Variants in FCRL5 observed in about 807,000 individuals in gnomAD.
FCRL5 encodes the protein Fc receptor-like protein 5.
Under a neutral mutation model 92.1 loss-of-function variants are expected in FCRL5, and 79 were observed. The ratio of observed to expected loss-of-function variants is 0.86; its 90% confidence interval spans 0.72 to 1.03. The LOEUF is 1.03. Ranked by LOEUF, FCRL5 falls within the 50% of genes least tolerant of loss-of-function variation. The probability of loss-of-function intolerance (pLI) is 0.00; values close to 1 mark genes in which losing one functional copy is unlikely to be tolerated. For missense variants in FCRL5, 1,160 were observed against 1,181.1 expected (o/e 0.98, Z 0.26); for synonymous variants, 466 against 469.3 (o/e 0.99, Z 0.09).
intron 7 of FCRL5, among the ~76,000 whole-genome samples, chr1:157,538,681 C>T (rs1330334894): frequency 6.6e-6 from 1 of 152,200 alleles, no homozygotes; most frequent in Non-Finnish European, 1.5e-5. Context: ...TCTGGTTATT[C>T]ATTGATGTCT....
At chr1:157,529,698 T>C (rs1403734418) in intron 8 of FCRL5, among the ~76,000 whole-genome samples, 2 of 152,226 alleles carry the variant, frequency 1.3e-5, no homozygotes, top group Non-Finnish European at 2.9e-5. Context: ...GAGACCATTA[T>C]TCTAAGTAAC....
intron 11 of FCRL5, 119 bp downstream of exon 11, chr1:157,520,898 G>T: frequency 8.4e-7 from 1 of 1,188,740 alleles, no homozygotes; most frequent in Non-Finnish European, 1.2e-6. Flanking sequence ...TTAGAGAGCT[G>T]CCAGCTGTGT....
In FCRL5 at chr1:157,539,230, C is replaced by G; in HGVS notation, c.1258G>C (p.Ala420Pro). The change falls in exon 7 of 17, where the codon GCC becomes CCC. Residue 420 changes from alanine to proline, a missense_variant. Ala to Pro is a conservative substitution (Grantham distance 27, BLOSUM62 -1). Transcript: ENST00000361835. Reference sequence around the variant, plus strand: ...GAGTTGGCCGACCTACGCTCCAGGGCAGCACCCTCATGATGAAACTGGTAC... The same window carrying G: ...GAGTTGGCCGACCTACGCTCCAGGGGAGCACCCTCATGATGAAACTGGTAC... ...ILYQFHHEGAALERRSANSAG... is the reference protein window; with the variant it reads ...ILYQFHHEGAPLERRSANSAG... 6.2e-7 allele frequency: 1 copy of G among 1,614,202 alleles called. No individual in the cohort carries two copies. Among genetic ancestry groups the G allele is most frequent in the Non-Finnish European group, 8.5e-7 (1 of 1,180,044 alleles).
chr1:157,541,949 A>T (rs11264758), intron 6 of FCRL5: 9,872 of 153,134 alleles, frequency 0.064, 810 homozygotes, highest in African/African-American at 0.19. Context: ...TGTCAGGGAC[A>T]CTGTTCTCTT....
At chr1:157,535,516 T>A (rs1429658021) in intron 7 of FCRL5, among the ~76,000 whole-genome samples, 1 of 152,228 alleles carries the variant, frequency 6.6e-6, no homozygotes, top group African/African-American at 2.4e-5. Flanking sequence ...ACATTTATCA[T>A]CTCTACTTCT....
chr1:157,525,896 G>A (rs11812021), intron 9 of FCRL5, among the ~76,000 whole-genome samples: 13,441 of 152,200 alleles, frequency 0.088, 1,610 homozygotes, highest in African/African-American at 0.27. Flanking sequence ...AGATTGATGT[G>A]CTTTTGAGAT....
At chr1:157,546,873 T>C in intron 3 of FCRL5, 70 bp downstream of exon 3, 1 of 1,553,338 alleles carries the variant, frequency 6.4e-7, no homozygotes, top group African/African-American at 1.4e-5. Flanking sequence ...AGGTAAACAG[T>C]AATAACAGCT....
chr1:157,532,245 A>G (rs1381405784), intron 8 of FCRL5: 7 of 151,964 alleles, frequency 4.6e-5, no homozygotes, highest in Non-Finnish European at 8.8e-5. Context: ...TGTCAGTCCT[A>G]ACATCTATGC....
At position 157,539,211 on chromosome 1, in the gene FCRL5, G is replaced by T; in HGVS notation, c.1277C>A (p.Ala426Asp). Residue 426 changes from alanine to aspartate, a missense_variant, in exon 7 of 17, where the codon GCC (alanine) becomes GAC (aspartate). Physicochemically the swap from Ala to Asp is moderately radical, Grantham distance 126. Coordinates refer to ENST00000361835, the MANE Select transcript of FCRL5 (RefSeq NM_031281.3). ...GATGGCCACTCCTCCTGCAGAGTTG[G>T]CCGACCTACGCTCCAGGGCAGCACC... ...HEGAALERRSANSAGGVAISF... is the reference protein window; with the variant it reads ...HEGAALERRSDNSAGGVAISF... 1 of 1,614,182 alleles carries T rather than the reference G, an allele frequency of 6.2e-7. No homozygotes were observed. Among genetic ancestry groups the T allele is most frequent in the Non-Finnish European group, 8.5e-7 (1 of 1,180,044 alleles).
At chr1:157,549,527 A>C in intron 2 of FCRL5, 33 bp downstream of exon 2, 3 of 1,600,836 alleles carry the variant, frequency 1.9e-6, no homozygotes, top group Non-Finnish European at 2.6e-6. Flanking sequence ...TCTTAACCAG[A>C]GACGCTGAAG....
chr1:157,534,620 C>A lies in FCRL5; in HGVS notation c.1675G>T (p.Val559Phe). The A allele has an allele frequency of 6.2e-7, 1 of 1,614,110 alleles. No individual in the cohort carries two copies. The highest frequency in any genetic ancestry group is 8.5e-7 in the Non-Finnish European group (1 of 1,180,012). The change falls in exon 8 of 17, where the codon GTC becomes TTC. Residue 559 changes from valine (V) to phenylalanine (F), a missense_variant. By Grantham distance (50) the Val-to-Phe change is conservative. Coordinates refer to ENST00000361835, the MANE Select transcript of FCRL5 (RefSeq NM_031281.3). ...PQRSEVVSLF[V>F]TVPVSRPILT... is the part of the protein sequence containing the mutation. ...GCAAGAACCCAGCACTTACCAGTGACAAAAAGGCTCACCACTTCACTGCGC... is the reference window on the plus strand; with the variant it reads ...GCAAGAACCCAGCACTTACCAGTGAAAAAAAGGCTCACCACTTCACTGCGC...
intron 7 of FCRL5, among the ~76,000 whole-genome samples, chr1:157,535,617 T>C (rs1650933780): frequency 6.6e-6 from 1 of 152,216 alleles, no homozygotes. Flanking sequence ...TGTTTATGAA[T>C]GTAGTAATGA....
intron 15 of FCRL5, among the ~76,000 whole-genome samples, chr1:157,516,280 G>A (rs563238618): frequency 2.0e-5 from 3 of 152,314 alleles, no homozygotes; most frequent in South Asian, 4.1e-4. Context: ...TGTCACCTCC[G>A]TGGTTGGGGG....
At chr1:157,535,812 C>G (rs1650940975) in intron 7 of FCRL5, among the ~76,000 whole-genome samples, 1 of 152,118 alleles carries the variant, frequency 6.6e-6, no homozygotes, top group African/African-American at 2.4e-5. Flanking sequence ...GATGAAAATA[C>G]TGAGGCCCCG....
intron 9 of FCRL5, among the ~76,000 whole-genome samples, chr1:157,525,636 C>T (rs1337853524): frequency 3.9e-5 from 6 of 152,134 alleles, no homozygotes. Flanking sequence ...AGATGAGTGG[C>T]ACTGCAGTAG....
chr1:157,543,562 G>C (rs1004920279), intron 5 of FCRL5, among the ~76,000 whole-genome samples: 1 of 152,114 alleles, frequency 6.6e-6, no homozygotes, highest in African/African-American at 2.4e-5. Context: ...CTGTTTTCAG[G>C]GCCAGCCAGG....
At chr1:157,534,309 A>C (rs1435809464) in intron 8 of FCRL5, 6 of 702,594 alleles carry the variant, frequency 8.5e-6, no homozygotes, top group Non-Finnish European at 1.3e-5. Context: ...GTCAGTAGAG[A>C]AGTAGGACAC....
chr1:157,526,358 G>T (rs1219704448), intron 9 of FCRL5, among the ~76,000 whole-genome samples: 4 of 152,154 alleles, frequency 2.6e-5, no homozygotes, highest in African/African-American at 9.7e-5. Context: ...AGAGCCTAGT[G>T]GATAGTGAGG....
chr1:157,520,358 G>C (rs1371668182), intron 12 of FCRL5, 73 bp downstream of exon 12: 2 of 1,059,928 alleles, frequency 1.9e-6, no homozygotes, highest in East Asian at 5.1e-5. Flanking sequence ...GGTCACAAAG[G>C]CAGCATGAAG....
Sources: gnomAD v4.1 joint callset for allele counts (sites outside exome capture counted in the v4.1 genomes callset) on GRCh38, gnomAD v4.1.1 for gene constraint, MANE v1.5 for transcripts, NCBI Gene and HGNC (gene_info 2026-07-23, HGNC 2026-07-21) for gene names.